KRT86: variants seen among roughly 807,000 people sequenced by gnomAD.
The protein encoded by KRT86 is keratin, type II cuticular Hb6.
Under a neutral mutation model 41.2 loss-of-function variants are expected in KRT86, and 30 were observed. The observed-to-expected ratio is 0.73, with a 90% CI of 0.54 to 0.99. The LOEUF (loss-of-function observed/expected upper bound fraction) is 0.99, where lower values mean the gene tolerates loss of function less well. KRT86 is among the 50% of genes least tolerant of loss of function. The pLI is 0.00. For missense variants in KRT86, 561 were observed against 571.4 expected, an observed-to-expected ratio of 0.98 and a Z score of 0.19; for synonymous variants, 238 against 238.1, an observed-to-expected ratio of 1.00 and a Z score of 0.00.
At position 52,301,999 on chromosome 12, in the gene KRT86, C is replaced by A. The variant is rs2121297761; in HGVS notation, c.83C>A (p.Thr28Asn). ...CGPRPGRCCI[T>N]AAPYRGISCY... Reference sequence around the variant, plus strand: ...CCCCGGCCCGGCCGCTGCTGCATCACCGCCGCCCCCTACCGTGGCATCTCC... The same window carrying A: ...CCCCGGCCCGGCCGCTGCTGCATCAACGCCGCCCCCTACCGTGGCATCTCC... The change falls in exon 3 of 11, where the codon ACC (threonine) becomes AAC (asparagine). Residue 28 changes from threonine (T) to asparagine (N), a missense_variant. By Grantham distance (65) the Thr-to-Asn change is moderately conservative. Transcript: ENST00000423955. 6.2e-7 allele frequency: 1 copy of A among 1,612,642 alleles called. No individual in the cohort carries two copies. The highest frequency in any genetic ancestry group is 8.5e-7 in the Non-Finnish European group (1 of 1,179,318).
rs150886963 is a variant in KRT86, at chr12:52,287,242, G to A, written c.-5+11296G>A. On this transcript the variant is annotated intron_variant, in intron 2 of 10. Transcript: ENST00000423955. ...CCTTCTGCAGGGCGCCCTCCAGCTCGGCCAGCTTGCAGCGGGCATCACTGA... is the reference window on the plus strand; with the variant it reads ...CCTTCTGCAGGGCGCCCTCCAGCTCAGCCAGCTTGCAGCGGGCATCACTGA... 8.7e-5 allele frequency: 140 copies of A among 1,613,932 alleles called. No homozygotes were observed. The African/African-American group carries it at 1.5e-3, about 17-fold the overall frequency.
intron 5 of KRT86, among the ~76,000 whole-genome samples, chr12:52,304,632 G>A (rs1032251584): frequency 1.3e-5 from 2 of 151,868 alleles, no homozygotes; most frequent in African/African-American, 4.8e-5. Context: ...GGGTCAGGGT[G>A]TGAGAGCTGG....
At position 52,301,920 on chromosome 12, in the gene KRT86, A is replaced by T. The variant is rs762980858; in HGVS notation, c.4A>T (p.Thr2Ser). M[T>S]CGSYCGGRAF... The stretch of plus-strand genomic sequence containing the variant: ...CCTCTCTTCCCCAAAAAGCACCATG[A>T]CTTGTGGATCTTACTGTGGTGGCCG... Residue 2 changes from threonine to serine, a missense_variant, in exon 3 of 11, where the codon ACT becomes TCT. By Grantham distance (58) the Thr-to-Ser change is moderately conservative. Around this residue, in one of 3 missense-constraint regions of KRT86, gnomAD observed 164 missense variants for 172.5 expected, o/e 0.95. Coordinates refer to ENST00000423955, the MANE Select transcript of KRT86 (RefSeq NM_001320198.2). 4.3e-6 allele frequency: 7 copies of T among 1,613,742 alleles called. No homozygotes were observed. Among genetic ancestry groups the T allele is most frequent in the Non-Finnish European group, 5.9e-6 (7 of 1,179,764 alleles).
chr12:52,305,477 TC>T (rs1192223375), intron 7 of KRT86, 73 bp downstream of exon 7: 2 of 1,612,408 alleles, frequency 1.2e-6, no homozygotes, highest in Non-Finnish European at 1.7e-6. Flanking sequence ...TAAATAGGCT[TC>T]CTTTTCTGGG....
intron 5 of KRT86, among the ~76,000 whole-genome samples, chr12:52,304,719 C>T (rs139970120): frequency 6.4e-4 from 97 of 151,906 alleles, no homozygotes; most frequent in African/African-American, 2.2e-3. Context: ...CAGTGAAAGG[C>T]TGGTGAGCCG....
chr12:52,298,190 G>A (rs1355503071), intron 2 of KRT86, among the ~76,000 whole-genome samples: 1 of 152,176 alleles, frequency 6.6e-6, no homozygotes, highest in Non-Finnish European at 1.5e-5. Context: ...GACCTTCTCT[G>A]AGGCAATCAG....
chr12:52,299,126 G>A (rs1466484950), intron 2 of KRT86, among the ~76,000 whole-genome samples: 1 of 152,106 alleles, frequency 6.6e-6, no homozygotes, highest in African/African-American at 2.4e-5. Flanking sequence ...CCCAGCCTCT[G>A]GTAACCATCA....
chr12:52,308,275 G>A lies in KRT86; in HGVS notation c.1279+11G>A, dbSNP rs776703857. ...GCTCGGTGAATGTCTGTAAGTAGTG[G>A]GGTCCGTCCCCTCCTCCCGCTGGGC... On this transcript the variant is annotated intron_variant, in intron 10 of 10. Coordinates refer to ENST00000423955, the MANE Select transcript of KRT86 (RefSeq NM_001320198.2). 2.5e-6 allele frequency: 4 copies of A among 1,614,186 alleles called. No individual in the cohort carries two copies. In the South Asian group the frequency reaches 3.3e-5, roughly 13 times the overall value.
chr12:52,308,423 T>C lies in KRT86; in HGVS notation c.1299T>C (p.Gly433=). ...CTGCAGGCGTCAGCAGCTCCCGCGG[T>C]GGCGTTGTCTGTGGCGATCTCTGCG... ...SVNVCVSSSR[G]GVVCGDLCAS... The change falls in exon 11 of 11, where the codon GGT becomes GGC. Residue 433 remains glycine, a synonymous_variant. Transcript: ENST00000423955. 6.2e-7 allele frequency: 1 copy of C among 1,611,902 alleles called. No individual in the cohort carries two copies. The highest frequency in any genetic ancestry group is 2.2e-5 in the East Asian group (1 of 44,834).
chr12:52,279,685 G>A (rs1385904596), intron 2 of KRT86, among the ~76,000 whole-genome samples: 1 of 152,200 alleles, frequency 6.6e-6, no homozygotes, highest in Non-Finnish European at 1.5e-5. Flanking sequence ...TGTGACTTAA[G>A]TATATGATGA....
Position 52,284,187 on chromosome 12 carries a change from G to C in KRT86, c.-5+8241G>C, listed in dbSNP as rs114225737. Among the ~76,000 whole-genome samples the C allele has an allele frequency of 6.9e-3, 1,055 of 152,240 alleles. 15 individuals are homozygous for C. The highest frequency in any genetic ancestry group is 0.024 in the African/African-American group (999 of 41,548). ...GACAGGGGCTGCTGCTGCTGCTGCT[G>C]CTTCTTGTTTTTTTATTTTTTTGAA... On this transcript the variant is annotated intron_variant, in intron 2 of 10. Coordinates refer to ENST00000423955, the MANE Select transcript of KRT86 (RefSeq NM_001320198.2).
At chr12:52,307,156 G>T (rs183671573) in intron 9 of KRT86, 1 of 152,334 alleles carries the variant, frequency 6.6e-6, no homozygotes, top group African/African-American at 2.4e-5. Context: ...ACAGGTTTGG[G>T]ACCTAGAAAC....
chr12:52,298,493 G>A (rs1189275066), intron 2 of KRT86, among the ~76,000 whole-genome samples: 2 of 152,198 alleles, frequency 1.3e-5, no homozygotes, highest in African/African-American at 2.4e-5. Context: ...CTGTTGATAC[G>A]TCTGCAGCAG....
intron 2 of KRT86, chr12:52,287,890 G>C: frequency 6.2e-7 from 1 of 1,608,514 alleles, no homozygotes; most frequent in Non-Finnish European, 8.5e-7. Flanking sequence ...TCATCCCTAG[G>C]GACCAGCATC....
chr12:52,283,636 G>A (rs929467791), intron 2 of KRT86, among the ~76,000 whole-genome samples: 12 of 151,810 alleles, frequency 7.9e-5, no homozygotes, highest in African/African-American at 2.2e-4. Context: ...ATACCACCAC[G>A]CCTGGCTAAT....
At chr12:52,287,217 C>A (rs1204659987) in intron 2 of KRT86, 2 of 1,614,052 alleles carry the variant, frequency 1.2e-6, no homozygotes, top group Non-Finnish European at 1.7e-6. Flanking sequence ...TCCTGCTTGG[C>A]CTTCTGCAGG....
chr12:52,281,360 A>G (rs145029845), intron 2 of KRT86, among the ~76,000 whole-genome samples: 258 of 152,278 alleles, frequency 1.7e-3, no homozygotes, highest in African/African-American at 5.5e-3. Flanking sequence ...TCATGTCTCT[A>G]TCTGAGCCCC....
At chr12:52,278,057 C>T (rs1284006134) in intron 2 of KRT86, among the ~76,000 whole-genome samples, 1 of 152,166 alleles carries the variant, frequency 6.6e-6, no homozygotes, top group Non-Finnish European at 1.5e-5. Context: ...GAAGTGCCTT[C>T]TTCTCAACTC....
intron 2 of KRT86, among the ~76,000 whole-genome samples, chr12:52,276,220 A>G (rs1243259497): frequency 6.6e-6 from 1 of 152,154 alleles, no homozygotes; most frequent in Non-Finnish European, 1.5e-5. Flanking sequence ...GTGTATGTTC[A>G]TTTTTATGTC....
Sources: allele counts gnomAD v4.1 joint callset (sites outside exome capture counted in the v4.1 genomes callset), GRCh38; gene constraint gnomAD v4.1.1; regional missense constraint gnomAD v4.1.1; transcripts MANE v1.5; gene names NCBI Gene and HGNC (gene_info 2026-07-23, HGNC 2026-07-21).